OTOG: variants seen among roughly 807,000 people sequenced by gnomAD.
OTOG encodes the protein otogelin.
OTOG carries 296 observed loss-of-function variants against 313.8 expected under a neutral mutation model. That is an observed-to-expected ratio of 0.94 (90% CI 0.86 to 1.04). The LOEUF (loss-of-function observed/expected upper bound fraction) is 1.04, where lower values mean the gene tolerates loss of function less well. OTOG is among the 50% of genes least tolerant of loss of function. The pLI, the probability that OTOG is intolerant of heterozygous loss-of-function variation, is 0.00. For missense variants in OTOG, 3,948 were observed against 3,840.1 expected, an observed-to-expected ratio of 1.03 and a Z score of -0.74; for synonymous variants, 1,533 against 1,554.9, an observed-to-expected ratio of 0.99 and a Z score of 0.33.
At chr11:17,579,622 C>G (rs896110336) in intron 23 of OTOG, among the ~76,000 whole-genome samples, 6 of 152,216 alleles carry the variant, frequency 3.9e-5, no homozygotes, top group African/African-American at 1.4e-4. Context: ...CTGCAAGCAA[C>G]CCTAGGCCTG....
At chr11:17,640,447 G>A (rs1310049727) in intron 49 of OTOG, among the ~76,000 whole-genome samples, 1 of 152,152 alleles carries the variant, frequency 6.6e-6, no homozygotes, top group Non-Finnish European at 1.5e-5. Context: ...CTCTCACTCT[G>A]TCCCCCATTT....
chr11:17,596,996 C>T lies in OTOG; in HGVS notation c.3671C>T (p.Pro1224Leu), dbSNP rs1471063946. Residue 1224 changes from proline (P) to leucine (L), a missense_variant, in exon 30 of 56, where the codon CCC (proline) becomes CTC (leucine). Coordinates refer to ENST00000399397, the MANE Select transcript of OTOG (RefSeq NM_001292063.2). ...QHGVAVDWRT[P>L]RLCPYDCDFF... Reference sequence around the variant, plus strand: ...GGGGTGGCTGTTGACTGGCGAACCCCCCGCCTCTGCCGTGAGTGTCCCAGA... The same window carrying T: ...GGGGTGGCTGTTGACTGGCGAACCCTCCGCCTCTGCCGTGAGTGTCCCAGA... The T allele has an allele frequency of 6.5e-7, 1 of 1,549,228 alleles. No individual in the cohort carries two copies.
In OTOG at chr11:17,561,709, C is replaced by T. The variant is rs755375116; in HGVS notation, c.1546C>T (p.Arg516Cys). The T allele has an allele frequency of 1.2e-4, 192 of 1,550,350 alleles. No individual in the cohort carries two copies. The highest frequency in any genetic ancestry group is 3.8e-4 in the South Asian group (32 of 84,050). Residue 516 changes from arginine to cysteine, a missense_variant, in exon 15 of 56, where the codon CGC (arginine) becomes TGC (cysteine). Physicochemically the swap from Arg to Cys is radical, Grantham distance 180. Coordinates refer to ENST00000399397, the MANE Select transcript of OTOG (RefSeq NM_001292063.2). The stretch of plus-strand genomic sequence containing the variant: ...CATTCACTTCACAACCTTTGATGGC[C>T]GCCGGTACACGTTCCCCGCCACATG... ...GDIHFTTFDG[R>C]RYTFPATCQY...
rs74370915 is a variant in OTOG at position 17,558,984 on chromosome 11, A to G, written c.1104-68A>G. The G allele has an allele frequency of 0.011, 13,341 of 1,266,646 alleles. 575 individuals carry two copies. Among genetic ancestry groups the G allele is most frequent in the East Asian group, 0.1 (3,988 of 39,600 alleles). The allele number at this position is 1,266,646 out of a possible 1,614,324, so 78.5% of individuals were successfully genotyped here. On this transcript the variant is annotated intron_variant, in intron 10 of 55. Coordinates refer to ENST00000399397, the MANE Select transcript of OTOG (RefSeq NM_001292063.2). ...ATGCCCTGAAGCCCTGGCAGTGTCT[A>G]TGGGATGCTGGTGGGCTGGTGGCAC...
Position 17,599,577 on chromosome 11 carries a change from A to G in OTOG, c.3683-94A>G, listed in dbSNP as rs556183222. The G allele has an allele frequency of 1.4e-3, 1,884 of 1,391,624 alleles. 5 individuals are homozygous for G. Among genetic ancestry groups the G allele is most frequent in the South Asian group, 1.8e-3 (148 of 80,626 alleles). 86.2% of individuals were successfully genotyped at this position (1,391,624 alleles called of 1,614,324 possible). On this transcript the variant is annotated intron_variant, in intron 30 of 55. Transcript: ENST00000399397. ...GCAGGCCAGGCCCAGCACTTGGGGA[A>G]GAAGGGAGGCTGGGATGCTGGGAGC...
At chr11:17,599,731 G>T in intron 31 of OTOG, 34 bp downstream of exon 31, 1 of 1,548,002 alleles carries the variant, frequency 6.5e-7, no homozygotes, top group Non-Finnish European at 8.7e-7. Flanking sequence ...AGTCTCAGGG[G>T]CTCAGGCACT....
intron 51 of OTOG, 100 bp downstream of exon 51, chr11:17,641,191 AC>A (rs1847965336): frequency 3.1e-6 from 4 of 1,304,756 alleles, no homozygotes; most frequent in East Asian, 2.5e-5. Context: ...GCTGCCCTAA[AC>A]CCCCAGGACA....
At chr11:17,611,457 T>C (rs958043375) in intron 36 of OTOG, 34 bp downstream of exon 36, 2 of 1,474,548 alleles carry the variant, frequency 1.4e-6, no homozygotes, top group Non-Finnish European at 1.8e-6. Flanking sequence ...GCCACCCGTA[T>C]GTGACCCTTC....
At chr11:17,558,146 C>G (rs1852094815) in intron 8 of OTOG, 39 bp from the exon 9 acceptor site, 1 of 1,548,906 alleles carries the variant, frequency 6.5e-7, no homozygotes, top group South Asian at 1.2e-5. Context: ...CCACCCAACC[C>G]CATCGCTGCC....
chr11:17,599,828 C>G lies in OTOG; in HGVS notation c.3709+131C>G, dbSNP rs1271357976. 2.8e-6 allele frequency: 3 copies of G among 1,086,282 alleles called. No individual in the cohort carries two copies. The African/African-American group carries it at 4.7e-5, about 17-fold the overall frequency. 67.3% of individuals were successfully genotyped at this position (1,086,282 alleles called of 1,614,324 possible). A position where few individuals can be genotyped will look rare whatever the true frequency, so the allele number is the denominator to read the frequency against. On this transcript the variant is annotated intron_variant, in intron 31 of 55. Coordinates refer to ENST00000399397, the MANE Select transcript of OTOG (RefSeq NM_001292063.2). ...AGCCGTGACCCGGAATGGGAGGGCCCCCATCATGCAGAGAGAGCCCTGACA... is the reference window on the plus strand; with the variant it reads ...AGCCGTGACCCGGAATGGGAGGGCCGCCATCATGCAGAGAGAGCCCTGACA...
Position 17,549,794 on chromosome 11 carries a change from C to T in OTOG, c.216+1582C>T, listed in dbSNP as rs117519441. Among the ~76,000 whole-genome samples, 541 of 152,190 alleles carry T rather than the reference C, an allele frequency of 3.6e-3. 4 individuals are homozygous for T. The highest frequency in any genetic ancestry group is 6.1e-3 in the Non-Finnish European group (415 of 68,024). ...CCAGGCAACCTGGGGAGGTTTCTCACGCTGCTCCTCAGAGCAACGAGGAAT... is the reference window on the plus strand; with the variant it reads ...CCAGGCAACCTGGGGAGGTTTCTCATGCTGCTCCTCAGAGCAACGAGGAAT... On this transcript the variant is annotated intron_variant, in intron 3 of 55. Coordinates refer to ENST00000399397, the MANE Select transcript of OTOG (RefSeq NM_001292063.2).
Position 17,602,225 on chromosome 11 carries a change from C to T in OTOG, c.3725C>T (p.Pro1242Leu), listed in dbSNP as rs1363165177. 6 of 1,550,266 alleles carry T rather than the reference C, an allele frequency of 3.9e-6. No homozygotes were observed. Among genetic ancestry groups the T allele is most frequent in the Non-Finnish European group, 5.2e-6 (6 of 1,146,954 alleles). Residue 1242 changes from proline (P) to leucine (L), a missense_variant, in exon 32 of 56, where the codon CCC becomes CTC. Pro to Leu is a moderately conservative substitution (Grantham distance 98). Transcript: ENST00000399397. The part of the protein sequence containing the change: ...DFFNKVLGKG[P>L]YQLSSLAAGG... ...TTCTCTCCAGTGCTAGGTAAGGGCC[C>T]CTATCAGCTATCCAGCTTGGCAGCC...
At chr11:17,578,067 A>G (rs1852577488) in intron 22 of OTOG, among the ~76,000 whole-genome samples, 1 of 152,148 alleles carries the variant, frequency 6.6e-6, no homozygotes, top group African/African-American at 2.4e-5. Context: ...ATGGGGGACA[A>G]TAATACTTCC....
At chr11:17,586,831 A>G (rs2134049976) in intron 24 of OTOG, among the ~76,000 whole-genome samples, 1 of 152,320 alleles carries the variant, frequency 6.6e-6, no homozygotes, top group East Asian at 1.9e-4. Flanking sequence ...CATATTTGTA[A>G]CCATGGCAAT....
chr11:17,552,606 C>G (rs1246154767), intron 4 of OTOG, among the ~76,000 whole-genome samples: 1 of 151,556 alleles, frequency 6.6e-6, no homozygotes, highest in South Asian at 2.1e-4. Context: ...CTGTGTCCCC[C>G]ACCTGTCCTC....
At chr11:17,604,770 T>C (rs1295823129) in intron 32 of OTOG, among the ~76,000 whole-genome samples, 2 of 152,232 alleles carry the variant, frequency 1.3e-5, no homozygotes, top group African/African-American at 4.8e-5. Context: ...TGAATGAAGA[T>C]ATTTTTCACT....
intron 38 of OTOG, among the ~76,000 whole-genome samples, chr11:17,613,358 T>C (rs988714742): frequency 1.3e-4 from 13 of 102,342 alleles, no homozygotes; most frequent in African/African-American, 3.2e-4. Context: ...CCTTCCTTCC[T>C]TCCTTCCTTC....
chr11:17,604,794 G>A (rs966023659), intron 32 of OTOG, among the ~76,000 whole-genome samples: 5 of 152,212 alleles, frequency 3.3e-5, no homozygotes, highest in Admixed American at 2.0e-4. Context: ...CAGGGTTCTC[G>A]TAGGAATTTC....
chr11:17,570,404 C>T lies in OTOG; in HGVS notation c.1955+14C>T. On this transcript the variant is annotated intron_variant, in intron 17 of 55. Transcript: ENST00000399397. ...GGATGACTTCCTGTACGTAGCCCTGCCACGGAACCCGAAGAAGAGGGGAAA... is the reference window on the plus strand; with the variant it reads ...GGATGACTTCCTGTACGTAGCCCTGTCACGGAACCCGAAGAAGAGGGGAAA... 6.5e-7 allele frequency: 1 copy of T among 1,549,290 alleles called. No homozygotes were observed. The highest frequency in any genetic ancestry group is 8.7e-7 in the Non-Finnish European group (1 of 1,146,148).
Sources: allele counts gnomAD v4.1 joint callset (sites outside exome capture counted in the v4.1 genomes callset), GRCh38; gene constraint gnomAD v4.1.1; transcripts MANE v1.5; gene names NCBI Gene and HGNC (gene_info 2026-07-23, HGNC 2026-07-21).